The following DCAF17 variants were observed in gnomAD, a reference collection of about 807,000 sequenced individuals.
The protein encoded by DCAF17 is DDB1 and CUL4 associated factor 17, also known as DDB1- and CUL4-associated factor 17.
A neutral mutation model predicts 66.0 loss-of-function variants in DCAF17; 48 were observed. The observed-to-expected ratio is 0.73, with a 90% CI of 0.58 to 0.92. DCAF17 has a LOEUF of 0.92. Among genes scored for constraint, DCAF17 ranks in the 40% least tolerant of loss-of-function variants. The pLI, the probability that DCAF17 is intolerant of heterozygous loss-of-function variation, is 0.00. For missense variants in DCAF17, 562 were observed against 622.8 expected (o/e 0.90, Z 1.04); for synonymous variants, 206 against 214.6 (o/e 0.96, Z 0.35).
At chr2:171,448,248 C>T (rs1694744879) in intron 3 of DCAF17, among the ~76,000 whole-genome samples, 1 of 152,176 alleles carries the variant, frequency 6.6e-6, no homozygotes, top group African/African-American at 2.4e-5. Flanking sequence ...CCTCTTGCCT[C>T]AGCCTCCTAA....
Position 171,483,244 on chromosome 2 carries a change from A to AC in DCAF17, c.*2135dup. ...ATTAATGTCTTCCTGCCCTACCTAA[A>AC]CCCCCTCTTTACCTGATATTTTAAT... On this transcript the variant is annotated 3_prime_UTR_variant, in exon 14 of 14. Transcript: ENST00000375255. The AC allele has an allele frequency of 2.2e-6, 1 of 453,600 alleles. No individual in the cohort carries two copies. The highest frequency in any genetic ancestry group is 6.9e-4 in the Middle Eastern group (1 of 1,444). 28.1% of individuals were successfully genotyped at this position (453,600 alleles called of 1,614,324 possible).
intron 5 of DCAF17, among the ~76,000 whole-genome samples, chr2:171,450,723 A>C (rs895541820): frequency 6.6e-6 from 1 of 152,124 alleles, no homozygotes; most frequent in South Asian, 2.1e-4. Context: ...TTTAATTTGA[A>C]CTACTTCAGC....
At chr2:171,461,926 T>A (rs921488564) in intron 8 of DCAF17, among the ~76,000 whole-genome samples, 1 of 152,174 alleles carries the variant, frequency 6.6e-6, no homozygotes, top group African/African-American at 2.4e-5. Context: ...TATTTTTTGG[T>A]TTGGCTTCTT....
At chr2:171,434,843 T>C in intron 1 of DCAF17, 140 bp downstream of exon 1, 1 of 1,320,694 alleles carries the variant, frequency 7.6e-7, no homozygotes, top group Non-Finnish European at 1.0e-6. Flanking sequence ...AAGCCCGGAA[T>C]CTGGGATAGG....
chr2:171,439,959 TA>T (rs894021476), intron 2 of DCAF17, among the ~76,000 whole-genome samples: 4 of 151,718 alleles, frequency 2.6e-5, no homozygotes, highest in South Asian at 2.1e-4. Flanking sequence ...AAACAAACAG[TA>T]AAAAACAAGA....
intron 3 of DCAF17, chr2:171,447,401 G>A (rs13024497): frequency 0.14 from 46,558 of 337,898 alleles, 3,674 homozygotes; most frequent in Non-Finnish European, 0.17. Flanking sequence ...GTCTTCTGTC[G>A]CCAGGCTGGA....
At chr2:171,442,021 A>C (rs1029356978) in intron 2 of DCAF17, among the ~76,000 whole-genome samples, 5 of 152,208 alleles carry the variant, frequency 3.3e-5, no homozygotes, top group Non-Finnish European at 4.4e-5. Context: ...TAACTTAAAA[A>C]AAAAATTAAA....
chr2:171,478,173 G>C, intron 12 of DCAF17, 103 bp downstream of exon 12: 2 of 1,081,594 alleles, frequency 1.8e-6, no homozygotes, highest in Non-Finnish European at 1.4e-6. Context: ...TGGGGTTGAG[G>C]GGTTGCAGGC....
chr2:171,446,318 C>T (rs376416867), intron 3 of DCAF17, among the ~76,000 whole-genome samples: 5 of 151,914 alleles, frequency 3.3e-5, no homozygotes, highest in South Asian at 2.1e-4. Flanking sequence ...GAGGCCGAGG[C>T]GGGCAGATCA....
chr2:171,483,217 A>G lies in DCAF17; in HGVS notation c.*2103A>G. 2.2e-6 allele frequency: 1 copy of G among 454,132 alleles called. No individual in the cohort carries two copies. The allele number at this position is 454,132 out of a possible 1,614,324, so 28.1% of individuals were successfully genotyped here. A position where few individuals can be genotyped will look rare whatever the true frequency, so the allele number is the denominator to read the frequency against. ...AGCTGCTCATTCTGCCACCTGCCAG[A>G]CATTAATGTCTTCCTGCCCTACCTA... On this transcript the variant is annotated 3_prime_UTR_variant, in exon 14 of 14. Transcript: ENST00000375255.
intron 6 of DCAF17, among the ~76,000 whole-genome samples, chr2:171,456,976 T>A (rs1695295010): frequency 6.6e-6 from 1 of 152,258 alleles, no homozygotes; most frequent in Non-Finnish European, 1.5e-5. Context: ...TTTATTTGTT[T>A]CTCTTGCCTG....
At position 171,434,604 on chromosome 2, in the gene DCAF17, G is replaced by A. The variant is rs570110822; in HGVS notation, c.27G>A (p.Val9=). The A allele has an allele frequency of 9.0e-5, 137 of 1,528,262 alleles. 1 individual carries two copies. The East Asian group carries it at 2.5e-3, about 28-fold the overall frequency. The allele number at this position is 1,528,262 out of a possible 1,614,324, so 94.7% of individuals were successfully genotyped here. Residue 9 remains valine (V), a synonymous_variant, in exon 1 of 14, where the codon GTG becomes GTA. Coordinates refer to ENST00000375255, the MANE Select transcript of DCAF17 (RefSeq NM_025000.4). ...TGGGCCCGACCCGGAAGCCCAACGT[G>A]TGCAGCCGGCTGAGTCGCCGGGCGC... MGPTRKPN[V]CSRLSRRALG...
At chr2:171,448,875 C>T in intron 4 of DCAF17, 58 bp downstream of exon 4, 2 of 1,510,876 alleles carry the variant, frequency 1.3e-6, no homozygotes, top group East Asian at 2.3e-5. Flanking sequence ...AACCTGTGGC[C>T]CATGAAATTT....
intron 5 of DCAF17, 44 bp from the exon 6 acceptor site, chr2:171,453,080 A>C (rs533525154): frequency 1.1e-5 from 15 of 1,369,908 alleles, no homozygotes; most frequent in Non-Finnish European, 1.4e-5. Flanking sequence ...TGTGTTTCTG[A>C]AGTACTTTTG....
intron 4 of DCAF17, 29 bp from the exon 5 acceptor site, chr2:171,449,850 A>C (rs755232804): frequency 1.9e-6 from 3 of 1,586,154 alleles, no homozygotes; most frequent in Non-Finnish European, 8.6e-7. Flanking sequence ...TGACCCAAAT[A>C]AATAAACTTC....
At position 171,483,409 on chromosome 2, in the gene DCAF17, G is replaced by T. The variant is rs538868578; in HGVS notation, c.*2295G>T. On this transcript the variant is annotated 3_prime_UTR_variant, in exon 14 of 14. Transcript: ENST00000375255. ...CATCAGCAGGTACAGACGTTACGCTGAAAAGAGGTGCATTCTGCATTGCAC... is the reference window on the plus strand; with the variant it reads ...CATCAGCAGGTACAGACGTTACGCTTAAAAGAGGTGCATTCTGCATTGCAC... 6 of 454,116 alleles carry T rather than the reference G, an allele frequency of 1.3e-5. No individual in the cohort carries two copies. Among genetic ancestry groups the T allele is most frequent in the Non-Finnish European group, 2.2e-5 (5 of 226,790 alleles). 28.1% of individuals were successfully genotyped at this position (454,116 alleles called of 1,614,324 possible).
chr2:171,473,875 G>T lies in DCAF17; in HGVS notation c.991G>T (p.Gly331Trp). 2.5e-6 allele frequency: 4 copies of T among 1,613,258 alleles called. No individual in the cohort carries two copies. Among genetic ancestry groups the T allele is most frequent in the Non-Finnish European group, 3.4e-6 (4 of 1,179,514 alleles). The change falls in exon 10 of 14, where the codon GGG becomes TGG. Residue 331 changes from glycine (G) to tryptophan (W), a missense_variant. Around this residue, in one of 3 missense-constraint regions of DCAF17, gnomAD observed 201 missense variants for 231.1 expected, o/e 0.87. Coordinates refer to ENST00000375255, the MANE Select transcript of DCAF17 (RefSeq NM_025000.4). The part of the protein sequence containing the change: ...ALKDNSLAKN[G>W]IQEMDCCSLE... ...TTTTTTCCAACTTCAGGCAAAAAAT[G>T]GGATCCAAGAAATGGATTGTTGTTC... is the stretch of plus-strand genomic sequence containing the variant.
chr2:171,436,625 A>G, intron 2 of DCAF17, among the ~76,000 whole-genome samples: 1 of 141,412 alleles, frequency 7.1e-6, no homozygotes, highest in Admixed American at 7.4e-5. Context: ...TATTTTGCCC[A>G]CTTGTAAATT....
At chr2:171,461,892 A>G (rs1026509450) in intron 8 of DCAF17, among the ~76,000 whole-genome samples, 1 of 152,118 alleles carries the variant, frequency 6.6e-6, no homozygotes, top group Non-Finnish European at 1.5e-5. Flanking sequence ...CTGGAGTTTT[A>G]TATTAATGAA....
Sources: gnomAD v4.1 joint callset for allele counts (sites outside exome capture counted in the v4.1 genomes callset) on GRCh38, gnomAD v4.1.1 for gene constraint, gnomAD v4.1.1 regional missense constraint, MANE v1.5 for transcripts, NCBI Gene and HGNC (gene_info 2026-07-23, HGNC 2026-07-21) for gene names.